Variants in KATNIP observed in about 807,000 individuals in gnomAD.
KATNIP encodes katanin interacting protein.
KATNIP carries 126 observed loss-of-function variants against 174.0 expected under a neutral mutation model. The ratio of observed to expected loss-of-function variants is 0.72; its 90% confidence interval spans 0.63 to 0.84. The LOEUF is 0.84. Ranked by LOEUF, KATNIP falls within the 40% of genes least tolerant of loss-of-function variation. KATNIP has a pLI of 0.00. For missense variants in KATNIP, 1,958 were observed against 2,109.7 expected, an observed-to-expected ratio of 0.93 and a Z score of 1.41; for synonymous variants, 810 against 835.7, an observed-to-expected ratio of 0.97 and a Z score of 0.53.
At chr16:27,557,362 G>A (rs751489872) in intron 1 of KATNIP, among the ~76,000 whole-genome samples, 7 of 150,748 alleles carry the variant, frequency 4.6e-5, no homozygotes, top group African/African-American at 1.2e-4. Context: ...GGCTGGTCTC[G>A]AACTCCTGAC....
At chr16:27,715,269 T>C (rs1377474461) in intron 13 of KATNIP, among the ~76,000 whole-genome samples, 1 of 152,242 alleles carries the variant, frequency 6.6e-6, no homozygotes, top group Non-Finnish European at 1.5e-5. Flanking sequence ...TTCCACCATA[T>C]GCCTTATGCA....
chr16:27,715,818 T>C (rs1462638503), intron 13 of KATNIP, among the ~76,000 whole-genome samples: 1 of 152,124 alleles, frequency 6.6e-6, no homozygotes, highest in African/African-American at 2.4e-5. Flanking sequence ...TGTGGAGAAA[T>C]TGGAACCTTC....
Position 27,672,592 on chromosome 16 carries a change from T to C in KATNIP, c.541-5137T>C, listed in dbSNP as rs554153124. ...AAGCCTTAATGAATGGTGGTTGCCT[T>C]ATTGTCTTCCCCATTGGTTGGGCCA... On this transcript the variant is annotated intron_variant, in intron 6 of 27. Coordinates refer to ENST00000261588, the MANE Select transcript of KATNIP (RefSeq NM_015202.5). 6.6e-5 allele frequency among the ~76,000 whole-genome samples: 10 copies of C among 152,336 alleles called. No individual in the cohort carries two copies. The East Asian group carries it at 1.9e-3, about 29-fold the overall frequency.
At chr16:27,732,334 A>G (rs184179881) in intron 14 of KATNIP, among the ~76,000 whole-genome samples, 5 of 152,318 alleles carry the variant, frequency 3.3e-5, no homozygotes, top group Admixed American at 2.6e-4. Context: ...ATCACAGAGA[A>G]TGGTGTTCAT....
chr16:27,757,912 G>A (rs1023341828), intron 18 of KATNIP, among the ~76,000 whole-genome samples: 4 of 152,148 alleles, frequency 2.6e-5, no homozygotes, highest in Non-Finnish European at 5.9e-5. Context: ...CACTAATTTT[G>A]GAAGTTTTGC....
At chr16:27,728,127 G>A (rs928513936) in intron 14 of KATNIP, among the ~76,000 whole-genome samples, 3 of 152,284 alleles carry the variant, frequency 2.0e-5, no homozygotes, top group Non-Finnish European at 2.9e-5. Flanking sequence ...CCCATGGCAG[G>A]GTCTGGGCGC....
intron 2 of KATNIP, among the ~76,000 whole-genome samples, chr16:27,586,209 C>G (rs529627702): frequency 1.3e-5 from 2 of 152,250 alleles, no homozygotes; most frequent in East Asian, 1.9e-4. Context: ...GCTTATTATG[C>G]ATTGTATCCC....
intron 3 of KATNIP, among the ~76,000 whole-genome samples, chr16:27,628,403 G>A (rs1427278440): frequency 2.6e-5 from 4 of 152,186 alleles, no homozygotes; most frequent in East Asian, 3.8e-4. Flanking sequence ...GTTCTTTTTC[G>A]CTAATGTGTA....
intron 14 of KATNIP, among the ~76,000 whole-genome samples, chr16:27,738,524 A>G (rs569385233): frequency 6.6e-6 from 1 of 152,304 alleles, no homozygotes; most frequent in South Asian, 2.1e-4. Context: ...ATTTTATCTT[A>G]AGCATGGAAG....
chr16:27,674,487 G>A (rs960888100), intron 6 of KATNIP, among the ~76,000 whole-genome samples: 4 of 152,190 alleles, frequency 2.6e-5, no homozygotes, highest in Admixed American at 6.5e-5. Flanking sequence ...TTGGCTTGTG[G>A]CCATGTCCTC....
intron 2 of KATNIP, among the ~76,000 whole-genome samples, chr16:27,599,980 TTC>T (rs2075462863): frequency 6.6e-6 from 1 of 152,202 alleles, no homozygotes. Flanking sequence ...CAGGTTTTGG[TTC>T]TGTTATCCTC....
At chr16:27,750,732 CTTTT>C (rs397854747) in intron 16 of KATNIP, among the ~76,000 whole-genome samples, 6 of 92,106 alleles carry the variant, frequency 6.5e-5, no homozygotes, top group Admixed American at 2.6e-4. Flanking sequence ...GCGCCCAGCC[CTTTT>C]TTTTTTTTTT....
chr16:27,585,357 T>C (rs564869902), intron 2 of KATNIP, among the ~76,000 whole-genome samples: 2 of 152,342 alleles, frequency 1.3e-5, no homozygotes, highest in South Asian at 4.1e-4. Flanking sequence ...ATGATCACTA[T>C]GGAGAACAGT....
chr16:27,611,632 A>T (rs1054707264), intron 2 of KATNIP, among the ~76,000 whole-genome samples: 2 of 152,210 alleles, frequency 1.3e-5, no homozygotes, highest in Non-Finnish European at 2.9e-5. Flanking sequence ...TGAGCAAGAA[A>T]GAAAATGATC....
intron 6 of KATNIP, among the ~76,000 whole-genome samples, chr16:27,658,570 T>C (rs2077369735): frequency 6.6e-6 from 1 of 152,162 alleles, no homozygotes; most frequent in South Asian, 2.1e-4. Context: ...GCAACAAAAA[T>C]ACAGAGTTTC....
chr16:27,571,835 C>G (rs1041371959), intron 1 of KATNIP, among the ~76,000 whole-genome samples: 4 of 152,234 alleles, frequency 2.6e-5, no homozygotes, highest in African/African-American at 9.6e-5. Context: ...AGCCTTAGGG[C>G]TCACTCGGAA....
chr16:27,756,653 C>G (rs1567407366), intron 18 of KATNIP, among the ~76,000 whole-genome samples: 1 of 152,178 alleles, frequency 6.6e-6, no homozygotes, highest in African/African-American at 2.4e-5. Flanking sequence ...CAAAAGACAG[C>G]CATCGTTTTT....
At chr16:27,663,129 T>TTTTTTC (rs2077574459) in intron 6 of KATNIP, among the ~76,000 whole-genome samples, 1 of 150,898 alleles carries the variant, frequency 6.6e-6, no homozygotes, top group Non-Finnish European at 1.5e-5. Context: ...GTTTAATTTA[T>TTTTTTC]TTTTTCTTTT....
chr16:27,615,363 AT>A (rs900859228), intron 2 of KATNIP, among the ~76,000 whole-genome samples: 9 of 123,374 alleles, frequency 7.3e-5, no homozygotes, highest in African/African-American at 1.2e-4. Context: ...ATTTATTATT[AT>A]TTTTTTTTGA....
Sources: gnomAD v4.1 joint callset for allele counts (sites outside exome capture counted in the v4.1 genomes callset) on GRCh38, gnomAD v4.1.1 for gene constraint, MANE v1.5 for transcripts, NCBI Gene and HGNC (gene_info 2026-07-23, HGNC 2026-07-21) for gene names.